Variants in AFF3 observed in about 807,000 individuals in gnomAD.
AFF3 encodes the protein ALF transcription elongation factor 3, also known as AF4/FMR2 family member 3.
Under a neutral mutation model 129.7 loss-of-function variants are expected in AFF3, and 32 were observed. That is an observed-to-expected ratio of 0.25 (90% CI 0.19 to 0.33). AFF3 has a LOEUF of 0.33. Among genes scored for constraint, AFF3 ranks in the 10% least tolerant of loss-of-function variants. AFF3 has a pLI of 1.00. For synonymous variants in AFF3, 644 were observed against 635.4 expected, an observed-to-expected ratio of 1.01 and a Z score of -0.20; for missense variants, 1,373 against 1,592.0, an observed-to-expected ratio of 0.86 and a Z score of 2.34.
intron 11 of AFF3, among the ~76,000 whole-genome samples, chr2:99,717,494 C>T (rs1678502063): frequency 6.6e-6 from 1 of 152,130 alleles, no homozygotes; most frequent in South Asian, 2.1e-4. Context: ...GTGAAAAGCA[C>T]CTTTTCATCT....
At chr2:100,086,943 T>C (rs1689485859) in intron 4 of AFF3, among the ~76,000 whole-genome samples, 1 of 152,224 alleles carries the variant, frequency 6.6e-6, no homozygotes, top group Non-Finnish European at 1.5e-5. Flanking sequence ...AATGAGAAAA[T>C]GAAGCTTTGG....
chr2:99,674,593 G>A (rs556046523), intron 11 of AFF3, among the ~76,000 whole-genome samples: 2 of 152,292 alleles, frequency 1.3e-5, no homozygotes, highest in South Asian at 4.1e-4. Context: ...CAAGCACTGG[G>A]TCTTTAAAGG....
At chr2:100,074,697 A>G (rs1403057629) in intron 4 of AFF3, among the ~76,000 whole-genome samples, 1 of 152,214 alleles carries the variant, frequency 6.6e-6, no homozygotes. Flanking sequence ...TAGACGGTAC[A>G]CAATAGGCAA....
intron 8 of AFF3, among the ~76,000 whole-genome samples, chr2:99,807,908 T>G (rs1686479428): frequency 6.6e-6 from 1 of 152,180 alleles, no homozygotes. Context: ...ACAACCCCTC[T>G]GTGCCCCTGA....
chr2:100,051,591 A>G (rs1245077778), intron 4 of AFF3, among the ~76,000 whole-genome samples: 2 of 152,232 alleles, frequency 1.3e-5, no homozygotes, highest in Non-Finnish European at 2.9e-5. Flanking sequence ...TAAAAAGTTA[A>G]GATGAAAAAA....
At chr2:99,819,239 G>A (rs1315753890) in intron 8 of AFF3, among the ~76,000 whole-genome samples, 1 of 152,158 alleles carries the variant, frequency 6.6e-6, no homozygotes, top group Non-Finnish European at 1.5e-5. Context: ...TTAAAGCTAA[G>A]TTGTAAAGAA....
chr2:99,896,887 G>A (rs1003404439), intron 7 of AFF3, among the ~76,000 whole-genome samples: 5 of 151,642 alleles, frequency 3.3e-5, no homozygotes, highest in Admixed American at 6.6e-5. Context: ...TGCCCGCCTC[G>A]GCCTCCCAAA....
chr2:100,139,944 T>C (rs1198083427), intron 1 of AFF3, among the ~76,000 whole-genome samples: 1 of 152,224 alleles, frequency 6.6e-6, no homozygotes, highest in Non-Finnish European at 1.5e-5. Context: ...GCACAAATTA[T>C]GGAACATCAG....
intron 4 of AFF3, among the ~76,000 whole-genome samples, chr2:100,093,798 A>G (rs560720154): frequency 8.5e-5 from 13 of 152,276 alleles, no homozygotes; most frequent in African/African-American, 2.9e-4. Flanking sequence ...GCCGCACGTG[A>G]TGATCACTGG....
At chr2:99,655,830 C>G (rs998839959) in intron 12 of AFF3, among the ~76,000 whole-genome samples, 1 of 152,058 alleles carries the variant, frequency 6.6e-6, no homozygotes, top group African/African-American at 2.4e-5. Flanking sequence ...TAGGAAGCGA[C>G]AAAGTTTGAG....
At chr2:99,561,625 A>G (rs1306740050) in intron 20 of AFF3, among the ~76,000 whole-genome samples, 1 of 152,104 alleles carries the variant, frequency 6.6e-6, no homozygotes, top group Non-Finnish European at 1.5e-5. Context: ...CTATCCTCCC[A>G]GCTTGGCCTC....
At chr2:100,015,239 A>T (rs993264539) in intron 4 of AFF3, among the ~76,000 whole-genome samples, 4 of 152,136 alleles carry the variant, frequency 2.6e-5, no homozygotes, top group African/African-American at 9.7e-5. Flanking sequence ...TTTGGTTTGG[A>T]GCAAATGCAT....
chr2:99,779,374 C>T (rs1684210476), intron 8 of AFF3, among the ~76,000 whole-genome samples: 1 of 151,892 alleles, frequency 6.6e-6, no homozygotes, highest in Admixed American at 6.6e-5. Flanking sequence ...GGCATAAATC[C>T]CTAAGAAATA....
At chr2:99,742,540 C>T (rs930790743) in intron 10 of AFF3, among the ~76,000 whole-genome samples, 3 of 152,090 alleles carry the variant, frequency 2.0e-5, no homozygotes, top group Middle Eastern at 3.4e-3. Context: ...AAAAATATGC[C>T]GGGTGCACAC....
chr2:99,765,171 T>C (rs1403863556), intron 8 of AFF3, among the ~76,000 whole-genome samples: 2 of 152,220 alleles, frequency 1.3e-5, no homozygotes, highest in Non-Finnish European at 2.9e-5. Context: ...AAGTGAGCCT[T>C]CCTAACAGAC....
intron 13 of AFF3, among the ~76,000 whole-genome samples, chr2:99,641,840 C>T (rs957944546): frequency 3.9e-5 from 6 of 152,096 alleles, no homozygotes; most frequent in Non-Finnish European, 7.3e-5. Flanking sequence ...ACCGGACCTG[C>T]GACTGTTCTA....
chr2:100,103,507 A>G (rs1311819495), intron 4 of AFF3, among the ~76,000 whole-genome samples: 5 of 139,810 alleles, frequency 3.6e-5, no homozygotes, highest in African/African-American at 1.1e-4. Context: ...CATTTAAGAG[A>G]TAGTGGGGGG....
At chr2:99,740,869 C>T (rs1389351033) in intron 10 of AFF3, among the ~76,000 whole-genome samples, 1 of 152,156 alleles carries the variant, frequency 6.6e-6, no homozygotes, top group Non-Finnish European at 1.5e-5. Context: ...GACATGAAGT[C>T]CTTGCCAATG....
Position 99,547,634 on chromosome 2 carries a change from A to C in AFF3, c.*3840T>G, listed in dbSNP as rs1275773538. On this transcript the variant is annotated 3_prime_UTR_variant, in exon 25 of 25. Transcript: ENST00000672756. ...TAAATAATGTTGGCTGCACTGATTA[A>C]TTTTATAACAATTACTGCACTTCCA... 1 of 208,732 alleles carries C rather than the reference A, an allele frequency of 4.8e-6. No homozygotes were observed. The highest frequency in any genetic ancestry group is 7.3e-5 in the East Asian group (1 of 13,652). The allele number at this position is 208,732 out of a possible 1,614,324, so 12.9% of individuals were successfully genotyped here. A position where few individuals can be genotyped will look rare whatever the true frequency, so the allele number is the denominator to read the frequency against.
Sources: allele counts gnomAD v4.1 joint callset (sites outside exome capture counted in the v4.1 genomes callset), GRCh38; gene constraint gnomAD v4.1.1; transcripts MANE v1.5; gene names NCBI Gene and HGNC (gene_info 2026-07-23, HGNC 2026-07-21).